The following USP8 variants were observed in gnomAD, a reference collection of about 807,000 sequenced individuals.
USP8 encodes the protein ubiquitin specific peptidase 8, also known as ubiquitin carboxyl-terminal hydrolase 8.
Under a neutral mutation model 130.0 loss-of-function variants are expected in USP8, and 27 were observed. The ratio of observed to expected loss-of-function variants is 0.21; its 90% CI spans 0.15 to 0.29. The LOEUF (loss-of-function observed/expected upper bound fraction) is 0.29. Among genes scored for constraint, USP8 ranks in the 10% least tolerant of loss-of-function variants. The pLI is 1.00. For missense variants in USP8, 1,029 were observed against 1,312.2 expected (o/e 0.78, Z 3.33); for synonymous variants, 392 against 444.1 (o/e 0.88, Z 1.48).
chr15:50,491,360 GC>G (rs1435179362), intron 14 of USP8, among the ~76,000 whole-genome samples: 1 of 152,140 alleles, frequency 6.6e-6, no homozygotes. Flanking sequence ...AACTTACCCT[GC>G]CAGGTGCAGA....
At chr15:50,486,766 A>G (rs564421965) in intron 12 of USP8, among the ~76,000 whole-genome samples, 85 of 152,292 alleles carry the variant, frequency 5.6e-4, no homozygotes, top group African/African-American at 1.9e-3. Context: ...CAAGAGATAA[A>G]AGACTACAAA....
intron 10 of USP8, among the ~76,000 whole-genome samples, chr15:50,480,790 C>T (rs1413542567): frequency 6.6e-6 from 1 of 151,382 alleles, no homozygotes; most frequent in Non-Finnish European, 1.5e-5. Flanking sequence ...AAAATGAGTC[C>T]TCTGGCTATA....
intron 11 of USP8, among the ~76,000 whole-genome samples, chr15:50,482,718 C>CT (rs1382877816): frequency 6.6e-6 from 1 of 152,088 alleles, no homozygotes; most frequent in Non-Finnish European, 1.5e-5. Flanking sequence ...ATGCCTTTTC[C>CT]TTTTGAACAC....
chr15:50,499,043 C>G lies in USP8; in HGVS notation c.3312C>G (p.Leu1104=). The part of the protein sequence containing the change: ...SSVKSSAAYI[L]FYTSLGPRVT... The stretch of plus-strand genomic sequence containing the variant: ...TGAAATCTTCAGCAGCTTATATCCT[C>G]TTTTATACTTCATTGGGACCACGAG... Residue 1104 remains leucine, a synonymous_variant, in exon 20 of 20, where the codon CTC becomes CTG. Coordinates refer to ENST00000307179, the MANE Select transcript of USP8 (RefSeq NM_005154.5). The G allele has an allele frequency of 6.2e-7, 1 of 1,613,298 alleles. No homozygotes were observed. The highest frequency in any genetic ancestry group is 8.5e-7 in the Non-Finnish European group (1 of 1,179,614).
At position 50,484,285 on chromosome 15, in the gene USP8, T is replaced by C. The variant is rs756773900; in HGVS notation, c.1814T>C (p.Ile605Thr). The C allele has an allele frequency of 1.2e-6, 2 of 1,610,254 alleles. No homozygotes were observed. Among genetic ancestry groups the C allele is most frequent in the Non-Finnish European group, 1.7e-6 (2 of 1,178,604 alleles). ...GDSGSGKPFK[I>T]KGQPESGILR... ...TTAATAATTTTACAGCCATTTAAGA[T>C]TAAAGGACAACCAGAAAGTGGAATT... The change falls in exon 12 of 20, where the codon ATT becomes ACT. Residue 605 changes from isoleucine (I) to threonine (T), a missense_variant. Around this residue, in one of 4 missense-constraint regions of USP8, gnomAD observed 486 missense variants for 522.0 expected, o/e 0.93. Coordinates refer to ENST00000307179, the MANE Select transcript of USP8 (RefSeq NM_005154.5).
Position 50,459,019 on chromosome 15 carries a change from C to T in USP8, c.355C>T (p.Arg119Trp), listed in dbSNP as rs979378456. The change falls in exon 5 of 20, where the codon CGG (arginine) becomes TGG (tryptophan). Residue 119 changes from arginine (R) to tryptophan (W), a missense_variant. By Grantham distance (101) the Arg-to-Trp change is moderately radical (BLOSUM62 -3). Coordinates refer to ENST00000307179, the MANE Select transcript of USP8 (RefSeq NM_005154.5). ...LKLRYEEAEV[R>W]KKLEEKDRQE... ...AACTAGATATGAAGAAGCTGAAGTC[C>T]GGAAAAAACTTGAGGAAAAAGACAG... 1.2e-5 allele frequency: 20 copies of T among 1,612,916 alleles called. No individual in the cohort carries two copies. Among genetic ancestry groups the T allele is most frequent in the South Asian group, 4.4e-5 (4 of 91,006 alleles).
At position 50,500,571 on chromosome 15, in the gene USP8, A is replaced by T; in HGVS notation, c.*1483A>T. The stretch of plus-strand genomic sequence containing the variant: ...ATGTTAATGATGCAAGTAAGTTCTA[A>T]GAGTTTAATGACCAAGCAAAACTCT... On this transcript the variant is annotated 3_prime_UTR_variant, in exon 20 of 20. Coordinates refer to ENST00000307179, the MANE Select transcript of USP8 (RefSeq NM_005154.5). 6 of 529,816 alleles carry T rather than the reference A, an allele frequency of 1.1e-5. No individual in the cohort carries two copies. The highest frequency in any genetic ancestry group is 2.0e-5 in the Non-Finnish European group (6 of 292,862). 32.8% of individuals were successfully genotyped at this position (529,816 alleles called of 1,614,324 possible).
rs2052518891 is a variant in USP8, at chr15:50,499,003, T to C, written c.3272T>C (p.Ile1091Thr). ...TTTGATGATCATGAAGTTTCTGATATCTCCGTTTCTTCTGTGAAATCTTCA... is the reference window on the plus strand; with the variant it reads ...TTTGATGATCATGAAGTTTCTGATACCTCCGTTTCTTCTGTGAAATCTTCA... ...FKFDDHEVSDISVSSVKSSAA... is the reference protein window; with the variant it reads ...FKFDDHEVSDTSVSSVKSSAA... Residue 1091 changes from isoleucine to threonine, a missense_variant, in exon 20 of 20, where the codon ATC (isoleucine) becomes ACC (threonine). Coordinates refer to ENST00000307179, the MANE Select transcript of USP8 (RefSeq NM_005154.5). 1.2e-6 allele frequency: 2 copies of C among 1,614,052 alleles called. No homozygotes were observed. Among genetic ancestry groups the C allele is most frequent in the East Asian group, 2.2e-5 (1 of 44,874 alleles).
rs2052723205 is a variant in USP8 at position 50,510,631 on chromosome 15, T to A, written c.*11543T>A. 1 of 152,166 alleles carries A rather than the reference T, an allele frequency of 6.6e-6. No individual in the cohort carries two copies. The highest frequency in any genetic ancestry group is 2.1e-4 in the South Asian group (1 of 4,832). The allele number at this position is 152,166 out of a possible 1,614,324, so 9.4% of individuals were successfully genotyped here. A position where few individuals can be genotyped will look rare whatever the true frequency, so the allele number is the denominator to read the frequency against. Reference sequence around the variant, plus strand: ...TCTATGAAGTGTCACGATACAAGATTTAAATCAGCAAAAAGTTAGATATAC... The same window carrying A: ...TCTATGAAGTGTCACGATACAAGATATAAATCAGCAAAAAGTTAGATATAC... On this transcript the variant is annotated 3_prime_UTR_variant, in exon 20 of 20. Transcript: ENST00000307179.
rs1393786468 is a variant in USP8, at chr15:50,494,256, T to C, written c.2634T>C (p.Asp878=). The C allele has an allele frequency of 6.2e-7, 1 of 1,609,656 alleles. No homozygotes were observed. Among genetic ancestry groups the C allele is most frequent in the Non-Finnish European group, 8.5e-7 (1 of 1,179,016 alleles). ...DSQELLLFLM[D]GLHEDLNKAD... The stretch of plus-strand genomic sequence containing the variant: ...AAGAATTGCTTCTGTTCCTAATGGA[T>C]GGTCTCCATGAAGATCTAAATAAAG... Residue 878 remains aspartate, a synonymous_variant, in exon 16 of 20, where the codon GAT becomes GAC. Coordinates refer to ENST00000307179, the MANE Select transcript of USP8 (RefSeq NM_005154.5).
Position 50,514,074 on chromosome 15 carries a change from T to C in USP8, c.*14986T>C, listed in dbSNP as rs1313421301. On this transcript the variant is annotated 3_prime_UTR_variant, in exon 20 of 20. Transcript: ENST00000307179. ...AGTATTTTCATACAATGGAATACTA[T>C]ACAGCAATGAGAATGAATAAATTAC... The C allele has an allele frequency of 6.6e-6, 1 of 152,194 alleles. No individual in the cohort carries two copies. The highest frequency in any genetic ancestry group is 1.5e-5 in the Non-Finnish European group (1 of 68,026). 9.4% of individuals were successfully genotyped at this position (152,194 alleles called of 1,614,324 possible). A position where few individuals can be genotyped will look rare whatever the true frequency, so the allele number is the denominator to read the frequency against.
Position 50,439,042 on chromosome 15 carries a change from T to C in USP8, c.-32T>C, listed in dbSNP as rs186422118. The stretch of plus-strand genomic sequence containing the variant: ...CACTTGTAAGGAAATATAGCATCCA[T>C]TGTGAAAGTGGAAAAGTAAAGATAA... On this transcript the variant is annotated 5_prime_UTR_variant, in exon 2 of 20. Transcript: ENST00000307179. The C allele has an allele frequency of 1.0e-4, 150 of 1,457,088 alleles. No homozygotes were observed. The African/African-American group carries it at 1.6e-3, about 16-fold the overall frequency. 90.3% of individuals were successfully genotyped at this position (1,457,088 alleles called of 1,614,324 possible). A position where few individuals can be genotyped will look rare whatever the true frequency, so the allele number is the denominator to read the frequency against.
chr15:50,496,331 A>AG (rs763898238), intron 17 of USP8, among the ~76,000 whole-genome samples: 3 of 152,084 alleles, frequency 2.0e-5, no homozygotes, highest in Admixed American at 6.5e-5. Flanking sequence ...AATACAAAAA[A>AG]TTAGCCGGGC....
rs1235975194 is a variant in USP8, at chr15:50,503,106, G to C, written c.*4018G>C. ...CTCACGCCTGTAATCCCAGCACTTT[G>C]GGAGGCTGAGGCAGGCGGATCACTT... On this transcript the variant is annotated 3_prime_UTR_variant, in exon 20 of 20. Transcript: ENST00000307179. The C allele has an allele frequency of 6.6e-6, 1 of 152,258 alleles. No individual in the cohort carries two copies. Among genetic ancestry groups the C allele is most frequent in the Admixed American group, 6.5e-5 (1 of 15,280 alleles). The allele number at this position is 152,258 out of a possible 1,614,324, so 9.4% of individuals were successfully genotyped here.
intron 1 of USP8, among the ~76,000 whole-genome samples, chr15:50,436,672 T>C (rs1164446763): frequency 6.7e-6 from 1 of 150,084 alleles, no homozygotes; most frequent in African/African-American, 2.4e-5. Flanking sequence ...TAATTTTTTT[T>C]GTTTGTTTTT....
In USP8 at chr15:50,500,886, C is replaced by G. The variant is rs1320234664; in HGVS notation, c.*1798C>G. Reference sequence around the variant, plus strand: ...CTTAGTATTCACATATGAACACTAACTACTGGAACAGAAATGATAGGGCCA... The same window carrying G: ...CTTAGTATTCACATATGAACACTAAGTACTGGAACAGAAATGATAGGGCCA... On this transcript the variant is annotated 3_prime_UTR_variant, in exon 20 of 20. Transcript: ENST00000307179. 2.9e-6 allele frequency: 4 copies of G among 1,389,768 alleles called. No homozygotes were observed. Among genetic ancestry groups the G allele is most frequent in the Non-Finnish European group, 3.0e-6 (3 of 998,898 alleles). 86.1% of individuals were successfully genotyped at this position (1,389,768 alleles called of 1,614,324 possible).
At chr15:50,478,704 ATAACT>A (rs910367732) in intron 10 of USP8, among the ~76,000 whole-genome samples, 1 of 152,240 alleles carries the variant, frequency 6.6e-6, no homozygotes, top group Non-Finnish European at 1.5e-5. Flanking sequence ...GTGTCCCAAC[ATAACT>A]TTATGAGATA....
intron 3 of USP8, among the ~76,000 whole-genome samples, chr15:50,441,888 GA>G (rs1309360100): frequency 6.7e-6 from 1 of 150,160 alleles, no homozygotes; most frequent in Non-Finnish European, 1.5e-5. Context: ...GTTTTTATGT[GA>G]CAGCTTTTTA....
chr15:50,467,828 A>G (rs759513394), intron 7 of USP8, among the ~76,000 whole-genome samples: 1 of 152,130 alleles, frequency 6.6e-6, no homozygotes, highest in Non-Finnish European at 1.5e-5. Context: ...GAGTGCTGGG[A>G]TTATAGATGT....
Sources: gnomAD v4.1 joint callset for allele counts (sites outside exome capture counted in the v4.1 genomes callset) on GRCh38, gnomAD v4.1.1 for gene constraint, gnomAD v4.1.1 regional missense constraint, MANE v1.5 for transcripts, NCBI Gene and HGNC (gene_info 2026-07-23, HGNC 2026-07-21) for gene names.